The following ACOT12 variants were observed in gnomAD, a reference collection of about 807,000 sequenced individuals.
The protein encoded by ACOT12 is acetyl-coenzyme A thioesterase.
ACOT12 carries 51 observed loss-of-function variants against 67.7 expected under a neutral mutation model. The observed-to-expected ratio is 0.75, with a 90% confidence interval of 0.60 to 0.95. ACOT12 has a LOEUF of 0.95. Ranked by LOEUF, ACOT12 falls within the 40% of genes least tolerant of loss-of-function variation. ACOT12 has a pLI of 0.00. For synonymous variants in ACOT12, 251 were observed against 244.6 expected (o/e 1.03, Z -0.24); for missense variants, 734 against 708.1 (o/e 1.04, Z -0.41).
chr5:81,327,677 G>A (rs1167932252), downstream of ACOT12, among the ~76,000 whole-genome samples: 1 of 152,194 alleles, frequency 6.6e-6, no homozygotes, highest in Non-Finnish European at 1.5e-5. Flanking sequence ...CTGACCTCAG[G>A]TGATCCACCC....
At chr5:81,367,498 C>T (rs1489091492) in intron 3 of ACOT12, among the ~76,000 whole-genome samples, 1 of 151,950 alleles carries the variant, frequency 6.6e-6, no homozygotes, top group African/African-American at 2.4e-5. Flanking sequence ...TTATATTATT[C>T]GAAGGTAGTC....
intron 3 of ACOT12, among the ~76,000 whole-genome samples, chr5:81,368,914 A>G (rs1027416135): frequency 6.6e-6 from 1 of 152,004 alleles, no homozygotes; most frequent in African/African-American, 2.4e-5. Flanking sequence ...AAAAAGAAAA[A>G]AAAAAGGGTA....
At chr5:81,386,486 C>T (rs1054390638) in intron 1 of ACOT12, among the ~76,000 whole-genome samples, 10 of 151,910 alleles carry the variant, frequency 6.6e-5, no homozygotes, top group South Asian at 2.1e-4. Context: ...TATGTCTGCA[C>T]GTAATTTGCT....
intron 11 of ACOT12, among the ~76,000 whole-genome samples, chr5:81,340,717 G>A (rs6882140): frequency 0.43 from 65,025 of 152,042 alleles, 15,067 homozygotes; most frequent in African/African-American, 0.59. Context: ...CTAAAAGGTG[G>A]CAGAAAAAAA....
chr5:81,362,020 A>G (rs1029768411), intron 4 of ACOT12, among the ~76,000 whole-genome samples: 3 of 152,194 alleles, frequency 2.0e-5, no homozygotes, highest in African/African-American at 7.2e-5. Flanking sequence ...ACTAGGAAAT[A>G]AGTTAGTCTG....
chr5:81,364,200 C>T (rs936858757), intron 3 of ACOT12, among the ~76,000 whole-genome samples: 2 of 150,798 alleles, frequency 1.3e-5, no homozygotes, highest in Non-Finnish European at 3.0e-5. Context: ...TTTCTTCTAG[C>T]TTTTTCTATA....
intron 11 of ACOT12, among the ~76,000 whole-genome samples, chr5:81,337,962 T>C (rs116655322): frequency 0.013 from 2,035 of 152,330 alleles, 39 homozygotes; most frequent in African/African-American, 0.047. Context: ...TCACTTGACT[T>C]ATCCAATGTC....
At chr5:81,314,408 T>C in the ACOT12 span, among the ~76,000 whole-genome samples, 4 of 152,268 alleles carry the variant, frequency 2.6e-5, no homozygotes, top group Non-Finnish European at 4.4e-5. Context: ...CGGCCTACTT[T>C]GTTTATATTT....
chr5:81,367,697 C>CAGAT (rs527625844), intron 3 of ACOT12, among the ~76,000 whole-genome samples: 222 of 152,134 alleles, frequency 1.5e-3, no homozygotes, highest in African/African-American at 5.1e-3. Context: ...GACAAACAGC[C>CAGAT]AGATGATAGA....
At chr5:81,375,724 A>G (rs1760391505) in intron 2 of ACOT12, among the ~76,000 whole-genome samples, 1 of 152,168 alleles carries the variant, frequency 6.6e-6, no homozygotes, top group Non-Finnish European at 1.5e-5. Flanking sequence ...AAACCAACAA[A>G]GATCAAAAGA....
At chr5:81,370,378 C>T (rs114845777) in intron 3 of ACOT12, among the ~76,000 whole-genome samples, 327 of 152,294 alleles carry the variant, frequency 2.1e-3, no homozygotes, top group African/African-American at 7.4e-3. Context: ...GAACTGTGTT[C>T]CCCCTTCCAA....
chr5:81,378,049 T>C (rs9686517), intron 2 of ACOT12, among the ~76,000 whole-genome samples: 42,064 of 151,948 alleles, frequency 0.28, 9,438 homozygotes, highest in African/African-American at 0.62. Flanking sequence ...GCAAAAAGAA[T>C]AAAGCTGGAG....
chr5:81,334,798 C>T (rs575626777), intron 12 of ACOT12, among the ~76,000 whole-genome samples: 28 of 152,320 alleles, frequency 1.8e-4, no homozygotes, highest in Non-Finnish European at 3.7e-4. Context: ...CAGCTGGTCT[C>T]TGTCAGTGCA....
the ACOT12 span, among the ~76,000 whole-genome samples, chr5:81,314,533 G>C: frequency 6.6e-6 from 1 of 152,194 alleles, no homozygotes; most frequent in African/African-American, 2.4e-5. Flanking sequence ...CAGAAATCCT[G>C]AGAGATCCTG....
At chr5:81,351,143 T>C (rs1759540867) in intron 5 of ACOT12, among the ~76,000 whole-genome samples, 1 of 152,244 alleles carries the variant, frequency 6.6e-6, no homozygotes, top group Non-Finnish European at 1.5e-5. Context: ...AGAATCAAAA[T>C]GGAATCACTT....
chr5:81,366,369 C>T (rs1388559298), intron 3 of ACOT12, among the ~76,000 whole-genome samples: 2 of 152,006 alleles, frequency 1.3e-5, no homozygotes, highest in Non-Finnish European at 1.5e-5. Context: ...ATAAATAAAA[C>T]AACAGATAAC....
intron 3 of ACOT12, among the ~76,000 whole-genome samples, chr5:81,368,129 T>C (rs180949559): frequency 5.5e-4 from 83 of 152,120 alleles, no homozygotes; most frequent in African/African-American, 1.8e-3. Context: ...CTTTCTCTAC[T>C]AAAAATACAA....
At chr5:81,315,508 T>C in the ACOT12 span, among the ~76,000 whole-genome samples, 1 of 152,234 alleles carries the variant, frequency 6.6e-6, no homozygotes, top group East Asian at 1.9e-4. Flanking sequence ...TCTTGTTCAT[T>C]GCTATATCCC....
At chr5:81,313,402 G>A in the ACOT12 span, 4 of 152,284 alleles carry the variant, frequency 2.6e-5, no homozygotes, top group Non-Finnish European at 1.5e-5. Context: ...CCAAAATTCA[G>A]TTTTTGTTAC....
Sources: gnomAD v4.1 joint callset for allele counts (sites outside exome capture counted in the v4.1 genomes callset) on GRCh38, gnomAD v4.1.1 for gene constraint, MANE v1.5 for transcripts, NCBI Gene and HGNC (gene_info 2026-07-23, HGNC 2026-07-21) for gene names.